ST18: variants seen among roughly 807,000 people sequenced by gnomAD.
ST18 encodes the protein suppression of tumorigenicity 18 protein.
A neutral mutation model predicts 110.0 loss-of-function variants in ST18; 50 were observed. The observed-to-expected ratio is 0.45, with a 90% CI of 0.36 to 0.58. ST18 has a LOEUF of 0.58. Among genes scored for constraint, ST18 ranks in the 20% least tolerant of loss-of-function variants. The pLI, the probability that ST18 is intolerant of heterozygous loss-of-function variation, is 0.00. For synonymous variants in ST18, 461 were observed against 452.4 expected, an observed-to-expected ratio of 1.02 and a Z score of -0.24; for missense variants, 1,306 against 1,280.1, an observed-to-expected ratio of 1.02 and a Z score of -0.31.
intron 2 of ST18, among the ~76,000 whole-genome samples, chr8:52,326,116 C>A (rs1024890669): frequency 2.6e-5 from 4 of 152,130 alleles, no homozygotes; most frequent in Non-Finnish European, 5.9e-5. Flanking sequence ...AGCCTTGTGC[C>A]TCCAAACACA....
chr8:52,164,274 C>T (rs990975116), intron 12 of ST18, among the ~76,000 whole-genome samples, 184 bp from the exon 13 acceptor site: 2 of 152,194 alleles, frequency 1.3e-5, no homozygotes, highest in East Asian at 1.9e-4. Context: ...ACACTTGCTC[C>T]CATCCCCATC....
chr8:52,272,610 C>T (rs57280408), intron 2 of ST18, among the ~76,000 whole-genome samples: 5,943 of 152,042 alleles, frequency 0.039, 413 homozygotes, highest in African/African-American at 0.14. Flanking sequence ...TTGTATACTG[C>T]GGGTAGGAAT....
intron 2 of ST18, among the ~76,000 whole-genome samples, chr8:52,353,449 G>T (rs1821271906): frequency 6.6e-6 from 1 of 152,200 alleles, no homozygotes; most frequent in African/African-American, 2.4e-5. Context: ...GCTGAGAGGA[G>T]ATAAAGAAGA....
At chr8:52,130,164 A>AAAGAAAGAAAGAAAGAG (rs1563565042) in intron 22 of ST18, among the ~76,000 whole-genome samples, 24 of 122,932 alleles carry the variant, frequency 2.0e-4, no homozygotes, top group African/African-American at 6.9e-4. Flanking sequence ...AGAAAGAAAG[A>AAAGAAAGAAAGAAAGAG]AAAAGAAAAG....
chr8:52,247,296 A>G (rs1429498720), intron 2 of ST18, among the ~76,000 whole-genome samples: 1 of 152,218 alleles, frequency 6.6e-6, no homozygotes, highest in Non-Finnish European at 1.5e-5. Flanking sequence ...TAAATAAAAA[A>G]ATATATATTT....
intron 2 of ST18, among the ~76,000 whole-genome samples, chr8:52,338,897 C>G (rs899792921): frequency 1.3e-5 from 2 of 151,878 alleles, no homozygotes; most frequent in African/African-American, 4.8e-5. Context: ...GCTACCAAAC[C>G]CAGCTATTTT....
intron 2 of ST18, among the ~76,000 whole-genome samples, chr8:52,288,089 G>A (rs866985214): frequency 3.3e-5 from 5 of 152,272 alleles, no homozygotes; most frequent in African/African-American, 9.6e-5. Context: ...AAACAGAACC[G>A]AAGCTAAATG....
intron 2 of ST18, among the ~76,000 whole-genome samples, chr8:52,236,611 CAA>C (rs754799390): frequency 0.047 from 4,212 of 88,878 alleles, 191 homozygotes; most frequent in African/African-American, 0.15. Context: ...AATTCCACCT[CAA>C]AAAAAAAAAA....
At chr8:52,133,188 A>C in intron 20 of ST18, 51 bp from the exon 21 acceptor site, 1 of 1,614,156 alleles carries the variant, frequency 6.2e-7, no homozygotes, top group Non-Finnish European at 8.5e-7. Flanking sequence ...GATCTCTCTG[A>C]CTGCTGCCGA....
intron 2 of ST18, chr8:52,313,638 T>C (rs1384893467): frequency 6.6e-6 from 1 of 152,352 alleles, no homozygotes; most frequent in East Asian, 1.9e-4. Flanking sequence ...AAGAGACAAA[T>C]ACAGTGCAGC....
intron 2 of ST18, among the ~76,000 whole-genome samples, chr8:52,276,231 C>T (rs955631307): frequency 1.3e-5 from 2 of 150,076 alleles, no homozygotes; most frequent in African/African-American, 2.5e-5. Context: ...ACACACTACA[C>T]ACACCACACA....
In ST18 at chr8:52,283,842, C is replaced by T. The variant is rs144462650; in HGVS notation, c.-464-53765G>A. On this transcript the variant is annotated intron_variant, in intron 2 of 25. Coordinates refer to ENST00000689386, the MANE Select transcript of ST18 (RefSeq NM_001352837.2). ...TGCAATTTCTTTGGTAAAATTTCGT[C>T]AACTGAGAGTGAATATGGAGGAGGA... is the stretch of plus-strand genomic sequence containing the variant. 2.6e-4 allele frequency among the ~76,000 whole-genome samples: 39 copies of T among 152,180 alleles called. 1 individual carries two copies. The East Asian group carries it at 7.5e-3, about 29-fold the overall frequency.
At chr8:52,258,978 T>G (rs557660483) in intron 2 of ST18, among the ~76,000 whole-genome samples, 2 of 152,292 alleles carry the variant, frequency 1.3e-5, no homozygotes, top group Non-Finnish European at 2.9e-5. Flanking sequence ...ACTCTAAAAT[T>G]TACAAGCCTC....
At chr8:52,158,414 T>C (rs1587280161) in intron 15 of ST18, among the ~76,000 whole-genome samples, 1 of 152,238 alleles carries the variant, frequency 6.6e-6, no homozygotes, top group Non-Finnish European at 1.5e-5. Flanking sequence ...GACTATCTTA[T>C]GTTACACAAT....
intron 8 of ST18, among the ~76,000 whole-genome samples, chr8:52,189,409 T>C (rs922178295): frequency 1.3e-5 from 2 of 152,170 alleles, no homozygotes; most frequent in African/African-American, 4.8e-5. Context: ...GAACTGCCAT[T>C]ACAAAGGATA....
chr8:52,113,869 G>C (rs892878243), intron 25 of ST18, among the ~76,000 whole-genome samples: 1 of 148,984 alleles, frequency 6.7e-6, no homozygotes, highest in Non-Finnish European at 1.5e-5. Context: ...CTCTCCTGTG[G>C]CATCATTGCA....
At chr8:52,158,754 T>C in intron 15 of ST18, 144 bp downstream of exon 15, 2 of 916,258 alleles carry the variant, frequency 2.2e-6, no homozygotes, top group South Asian at 1.6e-5. Flanking sequence ...CCTGCGTTCC[T>C]CTGAGCCTCT....
chr8:52,375,046 A>G (rs1396535437), intron 2 of ST18, among the ~76,000 whole-genome samples: 1 of 151,150 alleles, frequency 6.6e-6, no homozygotes, highest in Non-Finnish European at 1.5e-5. Flanking sequence ...GTCCAAATCA[A>G]TCCTCTTCAA....
At chr8:52,137,342 T>G in intron 18 of ST18, 79 bp downstream of exon 18, 2 of 1,458,974 alleles carry the variant, frequency 1.4e-6, no homozygotes, top group Non-Finnish European at 1.9e-6. Context: ...AGATAATACA[T>G]GGATAGAAAG....
Sources: allele counts gnomAD v4.1 joint callset (sites outside exome capture counted in the v4.1 genomes callset), GRCh38; gene constraint gnomAD v4.1.1; transcripts MANE v1.5; gene names NCBI Gene and HGNC (gene_info 2026-07-23, HGNC 2026-07-21).